ZNF229: variants seen among roughly 807,000 people sequenced by gnomAD.
The protein encoded by ZNF229 is zinc finger protein 229.
ZNF229 carries 10 observed loss-of-function variants against 11.8 expected under a neutral mutation model. That is an observed-to-expected ratio of 0.85 (90% CI 0.52 to 1.44). The LOEUF (loss-of-function observed/expected upper bound fraction) is 1.44, where lower values mean the gene tolerates loss of function less well. ZNF229 is among the 40% of genes most tolerant of loss of function. The pLI, the probability that ZNF229 is intolerant of heterozygous loss-of-function variation, is 0.00. For missense variants in ZNF229, 1,045 were observed against 1,015.1 expected (o/e 1.03, Z -0.40); for synonymous variants, 368 against 374.8 (o/e 0.98, Z 0.21).
chr19:44,443,850 T>C (rs1412950310), intron 2 of ZNF229, among the ~76,000 whole-genome samples: 1 of 152,140 alleles, frequency 6.6e-6, no homozygotes, highest in Non-Finnish European at 1.5e-5. Flanking sequence ...TTTTTTCCCA[T>C]TCAAATTCAT....
Position 44,428,998 on chromosome 19 carries a change from T to C in ZNF229, c.1783A>G (p.Thr595Ala). 1.2e-6 allele frequency: 2 copies of C among 1,613,730 alleles called. No homozygotes were observed. The highest frequency in any genetic ancestry group is 1.3e-5 in the African/African-American group (1 of 74,820). Residue 595 changes from threonine (T) to alanine (A), a missense_variant, in exon 6 of 6, where the codon ACG (threonine) becomes GCG (alanine). By Grantham distance (58) the Thr-to-Ala change is moderately conservative. Coordinates refer to ENST00000614049, the MANE Select transcript of ZNF229 (RefSeq NM_014518.4). The part of the protein sequence containing the change: ...SDLHSHQRVH[T>A]GERPYVCDVC... ...TCACACACGTAGGGCCTCTCTCCCGTGTGGACCCTCTGGTGGCTGTGAAGG... is the reference window on the plus strand; with the variant it reads ...TCACACACGTAGGGCCTCTCTCCCGCGTGGACCCTCTGGTGGCTGTGAAGG...
In ZNF229 at chr19:44,442,115, AAT is replaced by A. The variant is rs531501928; in HGVS notation, c.93+446_93+447del. ...ATTTTGTCATAGATGAAACTTTTCT[AAT>A]ATGTTTTTCTTTTTTTAACTTTGTG... On this transcript the variant is annotated intron_variant, in intron 4 of 5. Transcript: ENST00000614049. Among the ~76,000 whole-genome samples the A allele has an allele frequency of 4.1e-5, 6 of 148,048 alleles. No homozygotes were observed. The East Asian group carries it at 1.1e-3, about 27-fold the overall frequency.
intron 4 of ZNF229, among the ~76,000 whole-genome samples, chr19:44,435,625 C>A (rs977255185): frequency 4.9e-4 from 75 of 152,034 alleles, no homozygotes; most frequent in Admixed American, 4.5e-3. Flanking sequence ...TTTCAGACTT[C>A]CAGAAAAGCA....
At chr19:44,432,097 C>T (rs1363560710) in intron 5 of ZNF229, 125 bp downstream of exon 5, 1 of 1,466,054 alleles carries the variant, frequency 6.8e-7, no homozygotes, top group African/African-American at 1.4e-5. Context: ...GCCACTCAGT[C>T]TGGCAATTTT....
intron 4 of ZNF229, among the ~76,000 whole-genome samples, chr19:44,434,797 G>C (rs775904679): frequency 3.3e-5 from 5 of 152,166 alleles, no homozygotes; most frequent in Admixed American, 6.5e-5. Flanking sequence ...GCTATAGAAA[G>C]TTTTAGTGCA....
intron 2 of ZNF229, among the ~76,000 whole-genome samples, chr19:44,443,888 C>T (rs1473345622): frequency 6.6e-6 from 1 of 152,144 alleles, no homozygotes; most frequent in East Asian, 1.9e-4. Flanking sequence ...CTCATGGAGC[C>T]CAGGGCAAGA....
rs1484791919 is a variant in ZNF229 at position 44,427,384 on chromosome 19, A to T, written c.*919T>A. On this transcript the variant is annotated 3_prime_UTR_variant, in exon 6 of 6. Coordinates refer to ENST00000614049, the MANE Select transcript of ZNF229 (RefSeq NM_014518.4). Reference sequence around the variant, plus strand: ...AAATGAACTGGAGCAAAACCATTATATTCATGACAGCAATAAAACAAATTC... The same window carrying T: ...AAATGAACTGGAGCAAAACCATTATTTTCATGACAGCAATAAAACAAATTC... 1 of 152,074 alleles carries T rather than the reference A, an allele frequency of 6.6e-6. No homozygotes were observed. Among genetic ancestry groups the T allele is most frequent in the African/African-American group, 2.4e-5 (1 of 41,350 alleles). The allele number at this position is 152,074 out of a possible 1,614,324, so 9.4% of individuals were successfully genotyped here. A position where few individuals can be genotyped will look rare whatever the true frequency, so the allele number is the denominator to read the frequency against.
intron 5 of ZNF229, among the ~76,000 whole-genome samples, chr19:44,431,035 G>A (rs1971714106): frequency 6.6e-6 from 1 of 152,066 alleles, no homozygotes; most frequent in South Asian, 2.1e-4. Context: ...CAGTGGTGGA[G>A]CTGGCATTTA....
intron 4 of ZNF229, among the ~76,000 whole-genome samples, chr19:44,440,741 T>TC (rs1202032967): frequency 2.0e-5 from 3 of 147,214 alleles, no homozygotes; most frequent in African/African-American, 7.3e-5. Context: ...TTTTTTTTTT[T>TC]GAGACAGGGT....
At chr19:44,437,973 G>T (rs1356388380) in intron 4 of ZNF229, among the ~76,000 whole-genome samples, 1 of 152,184 alleles carries the variant, frequency 6.6e-6, no homozygotes, top group Non-Finnish European at 1.5e-5. Context: ...CTTGAGAGTG[G>T]ATAGTGGGAG....
chr19:44,428,310 T>C lies in ZNF229; in HGVS notation c.2471A>G (p.Tyr824Cys), dbSNP rs755311246. Residue 824 changes from tyrosine (Y) to cysteine (C), a missense_variant, in exon 6 of 6, where the codon TAT becomes TGT. Coordinates refer to ENST00000614049, the MANE Select transcript of ZNF229 (RefSeq NM_014518.4). Reference protein sequence around the residue: ...HQRVHLGENPYK With the variant: ...HQRVHLGENPCK ...GGAATCCTCTATGTACATCTACTTA[T>C]AAGGGTTCTCGCCTAAATGCACTCT... 26 of 1,608,544 alleles carry C rather than the reference T, an allele frequency of 1.6e-5. No individual in the cohort carries two copies. Among genetic ancestry groups the C allele is most frequent in the Non-Finnish European group, 2.1e-5 (25 of 1,176,312 alleles).
Position 44,428,574 on chromosome 19 carries a change from C to T in ZNF229, c.2207G>A (p.Gly736Asp), listed in dbSNP as rs1233785268. Reference sequence around the variant, plus strand: ...CACGTGGCATCTGTATGGCTTCTCGCCAGTGTGCACTCTCTTATGACTAAG... The same window carrying T: ...CACGTGGCATCTGTATGGCTTCTCGTCAGTGTGCACTCTCTTATGACTAAG... ...GLLSHKRVHT[G>D]EKPYRCHVCG... Residue 736 changes from glycine (G) to aspartate (D), a missense_variant, in exon 6 of 6, where the codon GGC (glycine) becomes GAC (aspartate). Gly to Asp is a moderately conservative substitution (Grantham distance 94, BLOSUM62 -1). Transcript: ENST00000614049. The T allele has an allele frequency of 1.2e-6, 2 of 1,613,614 alleles. No individual in the cohort carries two copies. The highest frequency in any genetic ancestry group is 1.7e-5 in the Admixed American group (1 of 59,968).
In ZNF229 at chr19:44,428,564, T is replaced by C. The variant is rs780276383; in HGVS notation, c.2217A>G (p.Pro739=). The C allele has an allele frequency of 4.3e-6, 7 of 1,611,076 alleles. No homozygotes were observed. In the South Asian group the frequency reaches 6.6e-5, roughly 15 times the overall value. ...SHKRVHTGEK[P]YRCHVCGKGY... ...CCTTCCCACACACGTGGCATCTGTA[T>C]GGCTTCTCGCCAGTGTGCACTCTCT... The change falls in exon 6 of 6, where the codon CCA becomes CCG. Residue 739 remains proline (P), a synonymous_variant. Coordinates refer to ENST00000614049, the MANE Select transcript of ZNF229 (RefSeq NM_014518.4).
In ZNF229 at chr19:44,428,358, G is replaced by A. The variant is rs1971618470; in HGVS notation, c.2423C>T (p.Thr808Ile). 1.9e-6 allele frequency: 3 copies of A among 1,613,900 alleles called. No individual in the cohort carries two copies. The highest frequency in any genetic ancestry group is 1.7e-6 in the Non-Finnish European group (2 of 1,179,952). The change falls in exon 6 of 6, where the codon ACC becomes ATC. Residue 808 changes from threonine to isoleucine, a missense_variant. Transcript: ENST00000614049. ...CGVCGKGFSY[T>I]SGLRNHQRVH... ...TCTTTGGTGGTTCCGCAGACCTGAGGTATAACTGAAGCCTTTCCCACACAC... is the reference window on the plus strand; with the variant it reads ...TCTTTGGTGGTTCCGCAGACCTGAGATATAACTGAAGCCTTTCCCACACAC...
chr19:44,437,683 C>A (rs1268555862), intron 4 of ZNF229, among the ~76,000 whole-genome samples: 2 of 152,100 alleles, frequency 1.3e-5, no homozygotes, highest in African/African-American at 4.8e-5. Context: ...TTCACTGCAG[C>A]ACTACTGACA....
Position 44,429,449 on chromosome 19 carries a change from G to C in ZNF229, c.1332C>G (p.Ala444=), listed in dbSNP as rs1231456377. 5 of 1,613,768 alleles carry C rather than the reference G, an allele frequency of 3.1e-6. No individual in the cohort carries two copies. The highest frequency in any genetic ancestry group is 4.2e-6 in the Non-Finnish European group (5 of 1,179,964). Residue 444 remains alanine, a synonymous_variant, in exon 6 of 6, where the codon GCC becomes GCG. Coordinates refer to ENST00000614049, the MANE Select transcript of ZNF229 (RefSeq NM_014518.4). ...GCTGGTGTTTGTGCAGTGCAGACTT[G>C]GCACAGAAGCCTTTGCCACACTCGC... ...TCSECGKGFC[A]KSALHKHQHI...
intron 4 of ZNF229, among the ~76,000 whole-genome samples, chr19:44,441,846 T>A (rs1278725927): frequency 2.0e-5 from 3 of 152,240 alleles, no homozygotes; most frequent in African/African-American, 7.2e-5. Flanking sequence ...GCAGAAATAC[T>A]CCTGCAGCTG....
chr19:44,440,945 G>A (rs944684409), intron 4 of ZNF229, among the ~76,000 whole-genome samples: 2 of 151,838 alleles, frequency 1.3e-5, no homozygotes, highest in Non-Finnish European at 2.9e-5. Flanking sequence ...GGCTGGTCTC[G>A]AACTCCTGAG....
intron 1 of ZNF229, 23 bp downstream of exon 1, chr19:44,448,286 G>C (rs148755147): frequency 1.3e-5 from 2 of 152,234 alleles, no homozygotes; most frequent in Non-Finnish European, 2.9e-5. Context: ...CGATACGTGC[G>C]CCTCCTTACA....
Sources: allele counts gnomAD v4.1 joint callset (sites outside exome capture counted in the v4.1 genomes callset), GRCh38; gene constraint gnomAD v4.1.1; transcripts MANE v1.5; gene names NCBI Gene and HGNC (gene_info 2026-07-23, HGNC 2026-07-21).